Variants in ITGB5 observed in about 807,000 individuals in gnomAD.
ITGB5 encodes the protein integrin beta-5.
In ITGB5, 38 loss-of-function variants were observed where a neutral mutation model predicts 84.8. The ratio of observed to expected loss-of-function variants is 0.45; its 90% CI spans 0.35 to 0.59. ITGB5 has a LOEUF of 0.59. Ranked by LOEUF, ITGB5 falls within the 20% of genes least tolerant of loss-of-function variation. ITGB5 has a pLI of 0.01. For synonymous variants in ITGB5, 393 were observed against 414.4 expected (o/e 0.95, Z 0.63); for missense variants, 905 against 1,034.5 (o/e 0.87, Z 1.72).
intron 12 of ITGB5, among the ~76,000 whole-genome samples, chr3:124,767,216 C>A (rs140849196): frequency 6.6e-6 from 1 of 152,318 alleles, no homozygotes; most frequent in Non-Finnish European, 1.5e-5. Context: ...AACACTAGGG[C>A]GGTAAATGCT....
At chr3:124,820,161 G>GCC (rs1437573230) in intron 6 of ITGB5, among the ~76,000 whole-genome samples, 2 of 152,116 alleles carry the variant, frequency 1.3e-5, no homozygotes, top group Non-Finnish European at 2.9e-5. Context: ...TAGTGGGGAC[G>GCC]CCCTAGAGAA....
intron 10 of ITGB5, among the ~76,000 whole-genome samples, chr3:124,793,799 G>A (rs1458499092): frequency 1.3e-5 from 2 of 152,198 alleles, no homozygotes; most frequent in African/African-American, 4.8e-5. Context: ...TGCATGCTTG[G>A]CATGTTGAAT....
chr3:124,799,370 A>G (rs2064282042), intron 9 of ITGB5, among the ~76,000 whole-genome samples: 1 of 152,114 alleles, frequency 6.6e-6, no homozygotes, highest in South Asian at 2.1e-4. Flanking sequence ...ACCAACCTGG[A>G]CAACATGGCA....
chr3:124,803,368 G>C (rs190896011), intron 9 of ITGB5, among the ~76,000 whole-genome samples: 1 of 152,092 alleles, frequency 6.6e-6, no homozygotes, highest in African/African-American at 2.4e-5. Flanking sequence ...GCCCCACTTT[G>C]AGTCTCAGTT....
chr3:124,789,277 T>C (rs188439108), intron 10 of ITGB5, among the ~76,000 whole-genome samples: 2,021 of 152,376 alleles, frequency 0.013, 34 homozygotes, highest in South Asian at 0.045. Flanking sequence ...CCATGGCAGG[T>C]GTTTTGTTTG....
intron 1 of ITGB5, among the ~76,000 whole-genome samples, chr3:124,896,527 T>G (rs891457420): frequency 5.3e-5 from 8 of 151,950 alleles, no homozygotes; most frequent in Admixed American, 2.0e-4. Flanking sequence ...AGCAGGAGGA[T>G]TGCTTGAGCC....
intron 7 of ITGB5, among the ~76,000 whole-genome samples, chr3:124,818,223 G>A (rs1014593090): frequency 3.3e-5 from 5 of 152,082 alleles, no homozygotes; most frequent in African/African-American, 1.2e-4. Context: ...GGACCTCTGA[G>A]GTCCTGTGGC....
chr3:124,822,023 G>C (rs556282158), intron 5 of ITGB5, among the ~76,000 whole-genome samples: 80 of 152,262 alleles, frequency 5.3e-4, no homozygotes, highest in Non-Finnish European at 9.7e-4. Context: ...CGTCTATTCT[G>C]GTAGATATAA....
intron 11 of ITGB5, among the ~76,000 whole-genome samples, chr3:124,770,410 G>C (rs1389189305): frequency 6.6e-6 from 1 of 152,144 alleles, no homozygotes; most frequent in Non-Finnish European, 1.5e-5. Context: ...GGCCTGTGGG[G>C]ACCAAAGGGG....
chr3:124,866,629 C>T (rs980708236), intron 2 of ITGB5, among the ~76,000 whole-genome samples: 7 of 152,194 alleles, frequency 4.6e-5, no homozygotes, highest in African/African-American at 1.7e-4. Context: ...GGGAAAAAGG[C>T]AGAGAGCCCA....
chr3:124,838,624 C>T (rs2064969761), intron 5 of ITGB5, among the ~76,000 whole-genome samples: 2 of 151,274 alleles, frequency 1.3e-5, no homozygotes, highest in East Asian at 3.9e-4. Flanking sequence ...TTTTTTGAGA[C>T]AGAGTCTTGC....
At chr3:124,765,387 C>T (rs773705952) in intron 13 of ITGB5, among the ~76,000 whole-genome samples, 25 of 152,172 alleles carry the variant, frequency 1.6e-4, no homozygotes, top group Admixed American at 2.6e-4. Flanking sequence ...CCCAGTGCTC[C>T]GTTGTCCTTG....
chr3:124,828,479 A>G (rs940245888), intron 5 of ITGB5, among the ~76,000 whole-genome samples: 3 of 152,230 alleles, frequency 2.0e-5, no homozygotes, highest in Non-Finnish European at 4.4e-5. Context: ...GTGTAGTGAC[A>G]GAAAGCAAAT....
chr3:124,834,064 G>T (rs73860424), intron 5 of ITGB5, among the ~76,000 whole-genome samples: 2,571 of 152,240 alleles, frequency 0.017, 72 homozygotes, highest in African/African-American at 0.054. Flanking sequence ...AACAGATTCC[G>T]GGGGAGGAAG....
intron 8 of ITGB5, among the ~76,000 whole-genome samples, chr3:124,816,190 G>C (rs1225546935): frequency 1.3e-5 from 2 of 152,196 alleles, no homozygotes; most frequent in Non-Finnish European, 2.9e-5. Flanking sequence ...GGACACTGAG[G>C]CTCCAGGGAA....
At chr3:124,808,683 A>C (rs7617098) in intron 9 of ITGB5, among the ~76,000 whole-genome samples, 25,242 of 152,154 alleles carry the variant, frequency 0.17, 4,593 homozygotes, top group African/African-American at 0.45. Context: ...GGAATGAAAG[A>C]CAGGTCTCCT....
chr3:124,882,525 G>A (rs1934621486), intron 1 of ITGB5, among the ~76,000 whole-genome samples: 3 of 152,202 alleles, frequency 2.0e-5, no homozygotes, highest in South Asian at 4.1e-4. Flanking sequence ...TGGCTGGCAC[G>A]CTGAAGGGAC....
rs140169880 is a variant in ITGB5, at chr3:124,817,321, G to A, written c.1128+300C>T. On this transcript the variant is annotated intron_variant, in intron 8 of 14. Transcript: ENST00000296181. ...ATACCACTGCCTGCCTATGCGAGGT[G>A]TCAGAACCTAAGCACTTCCCAGGCC... Among the ~76,000 whole-genome samples the A allele has an allele frequency of 5.9e-5, 9 of 152,300 alleles. No homozygotes were observed. In the South Asian group the frequency reaches 8.3e-4, roughly 14 times the overall value.
chr3:124,800,058 C>T (rs2064293843), intron 9 of ITGB5, among the ~76,000 whole-genome samples: 3 of 152,188 alleles, frequency 2.0e-5, no homozygotes, highest in Admixed American at 2.0e-4. Flanking sequence ...TCCCTCCCTT[C>T]TGAGGCCCAG....
Sources: allele counts gnomAD v4.1 joint callset (sites outside exome capture counted in the v4.1 genomes callset), GRCh38; gene constraint gnomAD v4.1.1; transcripts MANE v1.5; gene names NCBI Gene and HGNC (gene_info 2026-07-23, HGNC 2026-07-21).